The following C1RL variants were observed in gnomAD, a reference collection of about 807,000 sequenced individuals.
C1RL encodes the protein complement C1r subcomponent like.
C1RL carries 27 observed loss-of-function variants against 27.9 expected under a neutral mutation model. The ratio of observed to expected loss-of-function variants is 0.97; its 90% confidence interval spans 0.71 to 1.33. The LOEUF (loss-of-function observed/expected upper bound fraction) is 1.33. Ranked by LOEUF, C1RL falls within the 40% of genes most tolerant of loss-of-function variation. The probability of loss-of-function intolerance (pLI) is 0.00; values close to 1 mark genes in which losing one functional copy is unlikely to be tolerated. For synonymous variants in C1RL, 248 were observed against 252.1 expected (o/e 0.98, Z 0.15); for missense variants, 563 against 623.9 (o/e 0.90, Z 1.04).
rs960272390 is a variant in C1RL, at chr12:7,095,612, G to A, written c.*779C>T. ...TTTCGCAGAAGCAGGAATTCCCAGG[G>A]AGGGAAAATGGTAAGGATGTGGGGG... On this transcript the variant is annotated 3_prime_UTR_variant, in exon 6 of 6. Transcript: ENST00000266542. The A allele has an allele frequency of 3.0e-6, 3 of 985,968 alleles. No individual in the cohort carries two copies. Among genetic ancestry groups the A allele is most frequent in the Non-Finnish European group, 2.4e-6 (2 of 830,296 alleles). The allele number at this position is 985,968 out of a possible 1,614,324, so 61.1% of individuals were successfully genotyped here. A position where few individuals can be genotyped will look rare whatever the true frequency, so the allele number is the denominator to read the frequency against.
In C1RL at chr12:7,095,853, C is replaced by T; in HGVS notation, c.*538G>A. 1.2e-6 allele frequency: 1 copy of T among 865,182 alleles called. No individual in the cohort carries two copies. The highest frequency in any genetic ancestry group is 1.4e-6 in the Non-Finnish European group (1 of 720,302). 53.6% of individuals were successfully genotyped at this position (865,182 alleles called of 1,614,324 possible). On this transcript the variant is annotated 3_prime_UTR_variant, in exon 6 of 6. Transcript: ENST00000266542. ...GGATTAAGTGAAATAACAGGTGAAG[C>T]ACCTGGCATATAGAGGACATAAAAT...
Position 7,108,332 on chromosome 12 carries a change from A to G in C1RL, c.219T>C (p.Ala73=). Residue 73 remains alanine, a synonymous_variant, in exon 2 of 6, where the codon GCT becomes GCC. Coordinates refer to ENST00000266542, the MANE Select transcript of C1RL (RefSeq NM_016546.4). ...CGAGCCTCACAGCAAAGCCCTCTGG[A>G]GCCTTGATGTCCGTGCTGCTCTCTT... is the stretch of plus-strand genomic sequence containing the variant. The part of the protein sequence containing the change: ...KGQESSTDIK[A]PEGFAVRLVF... 1 of 1,614,180 alleles carries G rather than the reference A, an allele frequency of 6.2e-7. No individual in the cohort carries two copies. Among genetic ancestry groups the G allele is most frequent in the Non-Finnish European group, 8.5e-7 (1 of 1,180,032 alleles).
intron 2 of C1RL, among the ~76,000 whole-genome samples, chr12:7,105,971 G>C (rs769672848): frequency 1.3e-5 from 2 of 152,206 alleles, no homozygotes; most frequent in African/African-American, 4.8e-5. Context: ...TGAATTATAG[G>C]AGAAAGAGAA....
chr12:7,102,328 T>C (rs1366125077), intron 2 of C1RL, among the ~76,000 whole-genome samples: 1 of 152,198 alleles, frequency 6.6e-6, no homozygotes, highest in Admixed American at 6.5e-5. Flanking sequence ...CATAATTATT[T>C]CACGTAACCC....
In C1RL at chr12:7,095,764, T is replaced by C. The variant is rs1312582767; in HGVS notation, c.*627A>G. ...GACTTGGGCAAGTCCCTTTATCCCC[T>C]GAGCCTCAGTTTCCTCATTTGTCAC... On this transcript the variant is annotated 3_prime_UTR_variant, in exon 6 of 6. Transcript: ENST00000266542. 2.7e-5 allele frequency: 21 copies of C among 767,014 alleles called. No homozygotes were observed. The highest frequency in any genetic ancestry group is 3.2e-5 in the Non-Finnish European group (20 of 630,944). 47.5% of individuals were successfully genotyped at this position (767,014 alleles called of 1,614,324 possible).
In C1RL at chr12:7,104,069, C is replaced by T. The variant is rs930216657; in HGVS notation, c.301-1982G>A. Among the ~76,000 whole-genome samples, 2 of 152,182 alleles carry T rather than the reference C, an allele frequency of 1.3e-5. No individual in the cohort carries two copies. Among genetic ancestry groups the T allele is most frequent in the African/African-American group, 4.8e-5 (2 of 41,452 alleles). On this transcript the variant is annotated intron_variant, in intron 2 of 5. Transcript: ENST00000266542. This position sits in a 1 kb window ranked among gnomAD's most constrained non-coding sequence, Gnocchi z 5.4. ...GATGACAGCAGATGACAGGTGTCAA[C>T]ACACTTTGGAAGATGGAGTGGAGAT... is the stretch of plus-strand genomic sequence containing the variant.
intron 3 of C1RL, among the ~76,000 whole-genome samples, chr12:7,101,154 TTCCTTCCCTTCTTACTTTCCC>T (rs1938614904): frequency 1.0e-5 from 1 of 97,860 alleles, no homozygotes; most frequent in Non-Finnish European, 2.0e-5. Flanking sequence ...CCCTCCTTCC[TTCCTTCCCTTCTTACTTTCCC>T]TCTCTCCCTC....
intron 5 of C1RL, 119 bp from the exon 6 acceptor site, chr12:7,097,282 CGTTTT>C: frequency 2.7e-6 from 2 of 744,004 alleles, no homozygotes; most frequent in South Asian, 2.2e-5. Context: ...GGGATCAGGA[CGTTTT>C]TTTTTTTTTT....
intron 2 of C1RL, 21 bp downstream of exon 2, chr12:7,108,230 C>T: frequency 6.7e-7 from 1 of 1,486,274 alleles, no homozygotes; most frequent in Non-Finnish European, 9.2e-7. Context: ...CCTGGCGGGA[C>T]CCCCCCCATC....
At chr12:7,108,994 G>GTGTGTGTGTGTGTGTGTGTGTTTGTAT in intron 1 of C1RL, 116 bp downstream of exon 1, 1 of 382,632 alleles carries the variant, frequency 2.6e-6, no homozygotes, top group Non-Finnish European at 4.7e-6. Flanking sequence ...TGTGTGGGGG[G>GTGTGTGTGTGTGTGTGTGTGTTTGTAT]GGGGGGGATG....
chr12:7,094,754 A>C lies in C1RL; in HGVS notation c.*1637T>G, dbSNP rs1431446481. The C allele has an allele frequency of 7.2e-6, 7 of 969,352 alleles. No individual in the cohort carries two copies. The East Asian group carries it at 8.0e-4, about 111-fold the overall frequency. 60.0% of individuals were successfully genotyped at this position (969,352 alleles called of 1,614,324 possible). ...TTAGTATTTTGAGAGAATTATTATT[A>C]TATTTTTGGCGATGGGGTTTCACTA... On this transcript the variant is annotated 3_prime_UTR_variant, in exon 6 of 6. Transcript: ENST00000266542.
Position 7,096,546 on chromosome 12 carries a change from C to T in C1RL, c.1309G>A (p.Gly437Ser). ...QRHSVCQGDS[G>S]SVYVVWDNHA... ...TTGTCCCATACCACATAGACGCTGC[C>T]ACTGTCCCCCTGGCAGACACTGTGC... The change falls in exon 6 of 6, where the codon GGC (glycine) becomes AGC (serine). Residue 437 changes from glycine (G) to serine (S), a missense_variant. Transcript: ENST00000266542. 6.2e-7 allele frequency: 1 copy of T among 1,614,190 alleles called. No individual in the cohort carries two copies. The highest frequency in any genetic ancestry group is 1.1e-5 in the South Asian group (1 of 91,086).
At chr12:7,106,369 C>G (rs1938763618) in intron 2 of C1RL, among the ~76,000 whole-genome samples, 1 of 152,074 alleles carries the variant, frequency 6.6e-6, no homozygotes. Flanking sequence ...AAAATTCACT[C>G]TAAAATACCC....
chr12:7,108,390 G>A lies in C1RL; in HGVS notation c.161C>T (p.Ser54Phe), dbSNP rs752211597. ...GCCATACGGCTCTGGGTACCCGGGG[G>A]ATGTCAGCTGCTGGGGTAGCTCTTG... is the stretch of plus-strand genomic sequence containing the variant. ...LAQELPQQLTSPGYPEPYGKG... is the reference protein window; with the variant it reads ...LAQELPQQLTFPGYPEPYGKG... Residue 54 changes from serine (S) to phenylalanine (F), a missense_variant, in exon 2 of 6, where the codon TCC becomes TTC. By Grantham distance (155) the Ser-to-Phe change is radical. Coordinates refer to ENST00000266542, the MANE Select transcript of C1RL (RefSeq NM_016546.4). 3.1e-6 allele frequency: 5 copies of A among 1,614,022 alleles called. No individual in the cohort carries two copies. Among genetic ancestry groups the A allele is most frequent in the Non-Finnish European group, 4.2e-6 (5 of 1,180,008 alleles).
Position 7,094,999 on chromosome 12 carries a change from A to G in C1RL, c.*1392T>C, listed in dbSNP as rs1361331503. The G allele has an allele frequency of 2.4e-5, 27 of 1,111,604 alleles. No individual in the cohort carries two copies. Among genetic ancestry groups the G allele is most frequent in the Non-Finnish European group, 2.8e-5 (25 of 902,814 alleles). The allele number at this position is 1,111,604 out of a possible 1,614,324, so 68.9% of individuals were successfully genotyped here. On this transcript the variant is annotated 3_prime_UTR_variant, in exon 6 of 6. Transcript: ENST00000266542. ...AGAGATAAATTTAACCTTTGACCAT[A>G]TAGCAACTTGACTCTTGATGCTAAC...
Position 7,109,210 on chromosome 12 carries a change from G to C in C1RL, c.-30C>G. 6.6e-7 allele frequency: 1 copy of C among 1,521,646 alleles called. No individual in the cohort carries two copies. Among genetic ancestry groups the C allele is most frequent in the Non-Finnish European group, 9.1e-7 (1 of 1,104,164 alleles). The allele number at this position is 1,521,646 out of a possible 1,614,324, so 94.3% of individuals were successfully genotyped here. A position where few individuals can be genotyped will look rare whatever the true frequency, so the allele number is the denominator to read the frequency against. On this transcript the variant is annotated 5_prime_UTR_variant, in exon 1 of 6. Transcript: ENST00000266542. Reference sequence around the variant, plus strand: ...AACTGGACATCTGGGACCTGCGAGAGAACTGGCCCAGGATAGGGAACAAAA... The same window carrying C: ...AACTGGACATCTGGGACCTGCGAGACAACTGGCCCAGGATAGGGAACAAAA...
chr12:7,103,047 A>G (rs994228071), intron 2 of C1RL, among the ~76,000 whole-genome samples: 2 of 152,248 alleles, frequency 1.3e-5, no homozygotes, highest in African/African-American at 4.8e-5. Flanking sequence ...TTATGATCAG[A>G]GTAACTGGGT....
chr12:7,101,962 C>G lies in C1RL; in HGVS notation c.426G>C (p.Gln142His). 6.2e-7 allele frequency: 1 copy of G among 1,614,248 alleles called. No homozygotes were observed. Among genetic ancestry groups the G allele is most frequent in the East Asian group, 2.2e-5 (1 of 44,884 alleles). ...GGGCAGTCTTGTTCTCCGAGGAAGG[C>G]TGTGTGCGGAAGGTCAGCCGCAAAC... ...GRSLRLTFRTQPSSENKTAHL... is the reference protein window; with the variant it reads ...GRSLRLTFRTHPSSENKTAHL... The change falls in exon 3 of 6, where the codon CAG (glutamine) becomes CAC (histidine). Residue 142 changes from glutamine (Q) to histidine (H), a missense_variant. Physicochemically the swap from Gln to His is conservative, Grantham distance 24. Coordinates refer to ENST00000266542, the MANE Select transcript of C1RL (RefSeq NM_016546.4).
chr12:7,095,081 G>T lies in C1RL; in HGVS notation c.*1310C>A. ...TATTTTCTATTTCCATTGAACAGTT[G>T]TATTTTATTTGTGTCTTTCACTGTA... is the stretch of plus-strand genomic sequence containing the variant. On this transcript the variant is annotated 3_prime_UTR_variant, in exon 6 of 6. Transcript: ENST00000266542. 8.3e-7 allele frequency: 1 copy of T among 1,198,346 alleles called. No individual in the cohort carries two copies. The highest frequency in any genetic ancestry group is 1.5e-5 in the South Asian group (1 of 67,016). 74.2% of individuals were successfully genotyped at this position (1,198,346 alleles called of 1,614,324 possible).
Sources: gnomAD v4.1 joint callset for allele counts (sites outside exome capture counted in the v4.1 genomes callset) on GRCh38, gnomAD v4.1.1 for gene constraint, Gnocchi (gnomAD v3.1) non-coding constraint, MANE v1.5 for transcripts, NCBI Gene and HGNC (gene_info 2026-07-23, HGNC 2026-07-21) for gene names.